PXDNL: variants seen among roughly 807,000 people sequenced by gnomAD.
PXDNL encodes the protein peroxidasin like, also known as probable oxidoreductase PXDNL.
A neutral mutation model predicts 150.8 loss-of-function variants in PXDNL; 145 were observed. The ratio of observed to expected loss-of-function variants is 0.96; its 90% confidence interval spans 0.84 to 1.10. The LOEUF (loss-of-function observed/expected upper bound fraction) is 1.10, where lower values mean the gene tolerates loss of function less well. PXDNL is among the 50% of genes least tolerant of loss of function. The pLI is 0.00. For missense variants in PXDNL, 2,087 were observed against 1,873.9 expected, an observed-to-expected ratio of 1.11 and a Z score of -2.10; for synonymous variants, 757 against 725.7, an observed-to-expected ratio of 1.04 and a Z score of -0.69.
intron 10 of PXDNL, 34 bp from the exon 11 acceptor site, chr8:51,449,152 A>C (rs1250838335): frequency 4.9e-6 from 6 of 1,217,694 alleles, no homozygotes; most frequent in Non-Finnish European, 6.9e-6. Flanking sequence ...AAAATTGAAA[A>C]TTATTTTACA....
chr8:51,490,045 C>T (rs1289156565), intron 5 of PXDNL, among the ~76,000 whole-genome samples: 1 of 152,100 alleles, frequency 6.6e-6, no homozygotes, highest in Non-Finnish European at 1.5e-5. Context: ...AGAGAAATGA[C>T]ATGGTTTATA....
intron 1 of PXDNL, among the ~76,000 whole-genome samples, chr8:51,772,806 G>A (rs2037312727): frequency 6.6e-6 from 1 of 152,200 alleles, no homozygotes. Context: ...GAACCAAGAG[G>A]ACCAGGGAAC....
chr8:51,581,964 A>G lies in PXDNL; in HGVS notation c.308+10663T>C, dbSNP rs187882392. On this transcript the variant is annotated intron_variant, in intron 3 of 22. Coordinates refer to ENST00000356297, the MANE Select transcript of PXDNL (RefSeq NM_144651.5). Reference sequence around the variant, plus strand: ...ACCTGTCACAGAAAAATTTAATTACATGGAACACATGGGAATATATTAGGA... The same window carrying G: ...ACCTGTCACAGAAAAATTTAATTACGTGGAACACATGGGAATATATTAGGA... Among the ~76,000 whole-genome samples, 508 of 151,694 alleles carry G rather than the reference A, an allele frequency of 3.3e-3. 2 individuals are homozygous for G. Among genetic ancestry groups the G allele is most frequent in the Non-Finnish European group, 5.2e-3 (352 of 68,020 alleles).
intron 19 of PXDNL, among the ~76,000 whole-genome samples, chr8:51,357,408 T>G (rs1196304889): frequency 2.0e-5 from 3 of 152,188 alleles, no homozygotes; most frequent in African/African-American, 7.2e-5. Flanking sequence ...CCAGAATGAC[T>G]TCCAGTAAAA....
intron 3 of PXDNL, among the ~76,000 whole-genome samples, chr8:51,590,058 T>A (rs1210317964): frequency 6.6e-6 from 1 of 152,044 alleles, no homozygotes; most frequent in Non-Finnish European, 1.5e-5. Context: ...CAAGATACCT[T>A]CCATGGACTT....
At chr8:51,391,856 A>G (rs1296047450) in intron 17 of PXDNL, among the ~76,000 whole-genome samples, 7 of 151,972 alleles carry the variant, frequency 4.6e-5, no homozygotes, top group Admixed American at 4.6e-4. Flanking sequence ...TTCTTCTAGG[A>G]TTTTTATGGT....
At position 51,533,651 on chromosome 8, in the gene PXDNL, T is replaced by A. The variant is rs1363868063; in HGVS notation, c.380+23189A>T. Among the ~76,000 whole-genome samples, 131 of 148,802 alleles carry A rather than the reference T, an allele frequency of 8.8e-4. 2 individuals carry two copies. Among genetic ancestry groups the A allele is most frequent in the African/African-American group, 3.3e-3 (129 of 39,368 alleles). On this transcript the variant is annotated intron_variant, in intron 4 of 22. Coordinates refer to ENST00000356297, the MANE Select transcript of PXDNL (RefSeq NM_144651.5). Reference sequence around the variant, plus strand: ...TGCGGACGCCGCCACGCCTGACTGGTTTTCGTTTTTTTTTTGGTGGAGACG... The same window carrying A: ...TGCGGACGCCGCCACGCCTGACTGGATTTCGTTTTTTTTTTGGTGGAGACG...
chr8:51,805,581 T>C (rs1221035129), intron 1 of PXDNL, among the ~76,000 whole-genome samples: 1 of 151,670 alleles, frequency 6.6e-6, no homozygotes, highest in African/African-American at 2.4e-5. Flanking sequence ...CATAAGACAT[T>C]TTCCATTTCC....
Position 51,647,789 on chromosome 8 carries a change from G to A in PXDNL, c.236+6900C>T, listed in dbSNP as rs543664440. Among the ~76,000 whole-genome samples the A allele has an allele frequency of 6.5e-4, 99 of 152,116 alleles. 1 individual carries two copies. The highest frequency in any genetic ancestry group is 2.2e-3 in the African/African-American group (91 of 41,510). On this transcript the variant is annotated intron_variant, in intron 2 of 22. Transcript: ENST00000356297. ...CTTCATGGGCTTTATTAAATCACAGGTAAATGAAAAACACTTACAATAGTG... is the reference window on the plus strand; with the variant it reads ...CTTCATGGGCTTTATTAAATCACAGATAAATGAAAAACACTTACAATAGTG...
chr8:51,793,402 G>A (rs2037531554), intron 1 of PXDNL, among the ~76,000 whole-genome samples: 1 of 152,090 alleles, frequency 6.6e-6, no homozygotes, highest in African/African-American at 2.4e-5. Context: ...AAAAAATGCT[G>A]GTAATTCAAA....
intron 1 of PXDNL, among the ~76,000 whole-genome samples, chr8:51,699,996 G>A (rs1244733714): frequency 1.3e-5 from 2 of 152,076 alleles, no homozygotes; most frequent in African/African-American, 4.8e-5. Flanking sequence ...TTGAAATATT[G>A]TGAGAATTAC....
intron 4 of PXDNL, among the ~76,000 whole-genome samples, chr8:51,532,158 A>G (rs1811920716): frequency 6.6e-6 from 1 of 152,270 alleles, no homozygotes; most frequent in African/African-American, 2.4e-5. Context: ...TAGCCTTCGC[A>G]TTAGAGGCAC....
intron 4 of PXDNL, among the ~76,000 whole-genome samples, chr8:51,521,765 A>G (rs1811669421): frequency 6.6e-6 from 1 of 152,174 alleles, no homozygotes. Flanking sequence ...AAAGGAAAGA[A>G]AAAAGAAAAA....
At chr8:51,784,390 G>A (rs1250669061) in intron 1 of PXDNL, among the ~76,000 whole-genome samples, 1 of 152,148 alleles carries the variant, frequency 6.6e-6, no homozygotes, top group Non-Finnish European at 1.5e-5. Flanking sequence ...AGATCAATCA[G>A]CATAATACAC....
At chr8:51,573,549 T>C (rs1265618863) in intron 3 of PXDNL, among the ~76,000 whole-genome samples, 1 of 151,886 alleles carries the variant, frequency 6.6e-6, no homozygotes, top group Non-Finnish European at 1.5e-5. Context: ...GCAAAGAAAT[T>C]ATCAGTGGAG....
intron 4 of PXDNL, among the ~76,000 whole-genome samples, chr8:51,534,258 G>T (rs1460153101): frequency 7.2e-6 from 1 of 138,926 alleles, no homozygotes; most frequent in Non-Finnish European, 1.5e-5. Context: ...CAACCGCCCC[G>T]TCTGAGAAGT....
At chr8:51,772,621 G>C (rs907221894) in intron 1 of PXDNL, among the ~76,000 whole-genome samples, 1 of 152,128 alleles carries the variant, frequency 6.6e-6, no homozygotes, top group Non-Finnish European at 1.5e-5. Flanking sequence ...TCCTAAGTTC[G>C]GGACTGATCT....
At chr8:51,807,284 C>CA (rs1276552763) in intron 1 of PXDNL, among the ~76,000 whole-genome samples, 1 of 152,158 alleles carries the variant, frequency 6.6e-6, no homozygotes, top group East Asian at 1.9e-4. Flanking sequence ...GTGAGAACTT[C>CA]ACATGGCCAG....
At chr8:51,766,032 G>A (rs1422266089) in intron 1 of PXDNL, among the ~76,000 whole-genome samples, 2 of 152,052 alleles carry the variant, frequency 1.3e-5, no homozygotes, top group Admixed American at 6.6e-5. Context: ...TTTTAGTAGA[G>A]ACGGGATTTC....
Sources: gnomAD v4.1 joint callset for allele counts (sites outside exome capture counted in the v4.1 genomes callset) on GRCh38, gnomAD v4.1.1 for gene constraint, MANE v1.5 for transcripts, NCBI Gene and HGNC (gene_info 2026-07-23, HGNC 2026-07-21) for gene names.